ADAMTS16: variants seen among roughly 807,000 people sequenced by gnomAD.
The protein encoded by ADAMTS16 is ADAM metallopeptidase with thrombospondin type 1 motif 16.
In ADAMTS16, 94 loss-of-function variants were observed where a neutral mutation model predicts 145.8. The ratio of observed to expected loss-of-function variants is 0.64; its 90% confidence interval spans 0.55 to 0.77. The LOEUF is 0.77. ADAMTS16 is among the 30% of genes least tolerant of loss of function. The pLI, the probability that ADAMTS16 is intolerant of heterozygous loss-of-function variation, is 0.00. For missense variants in ADAMTS16, 1,585 were observed against 1,591.5 expected, an observed-to-expected ratio of 1.00 and a Z score of 0.07; for synonymous variants, 659 against 604.3, an observed-to-expected ratio of 1.09 and a Z score of -1.33.
intron 9 of ADAMTS16, among the ~76,000 whole-genome samples, chr5:5,200,728 C>T (rs1241406649): frequency 2.0e-5 from 3 of 150,650 alleles, no homozygotes; most frequent in African/African-American, 7.3e-5. Context: ...TCCTTTCTCT[C>T]TCACTTTCTT....
chr5:5,191,805 A>T lies in ADAMTS16; in HGVS notation c.1313+15A>T, dbSNP rs769671225. 2.6e-6 allele frequency: 4 copies of T among 1,565,188 alleles called. No individual in the cohort carries two copies. The highest frequency in any genetic ancestry group is 3.5e-6 in the Non-Finnish European group (4 of 1,146,056). The stretch of plus-strand genomic sequence containing the variant: ...TCTGGACACAAGTAAGTGCATCTCC[A>T]TGGGAGGATGGCATCCCGAGTTTTT... On this transcript the variant is annotated intron_variant, in intron 8 of 22. Transcript: ENST00000274181.
intron 3 of ADAMTS16, among the ~76,000 whole-genome samples, chr5:5,154,241 G>A (rs138072213): frequency 6.6e-6 from 1 of 152,316 alleles, no homozygotes; most frequent in East Asian, 1.9e-4. Context: ...ATAAGCAGAT[G>A]AAAATGTCAG....
At chr5:5,207,494 T>A (rs1736159756) in intron 9 of ADAMTS16, among the ~76,000 whole-genome samples, 1 of 152,216 alleles carries the variant, frequency 6.6e-6, no homozygotes, top group Non-Finnish European at 1.5e-5. Flanking sequence ...AAGATAGTTT[T>A]ATTTATTCTT....
At chr5:5,211,062 T>C (rs1560950647) in intron 10 of ADAMTS16, among the ~76,000 whole-genome samples, 1 of 152,230 alleles carries the variant, frequency 6.6e-6, no homozygotes, top group Non-Finnish European at 1.5e-5. Flanking sequence ...TCATAATTTA[T>C]TTTCAAGAAT....
rs1387364105 is a variant in ADAMTS16 at position 5,318,116 on chromosome 5, T to G, written c.3412-18T>G. 7.1e-7 allele frequency: 1 copy of G among 1,401,196 alleles called. No individual in the cohort carries two copies. The highest frequency in any genetic ancestry group is 1.5e-5 in the African/African-American group (1 of 67,972). The allele number at this position is 1,401,196 out of a possible 1,614,324, so 86.8% of individuals were successfully genotyped here. On this transcript the variant is annotated intron_variant, in intron 21 of 22. Transcript: ENST00000274181. ...GAGAGCCTGGGGCCATGGTGACATG[T>G]GTGTGTTGCTCTCACAGTGCACGGC...
chr5:5,193,018 A>G (rs1038831358), intron 8 of ADAMTS16, among the ~76,000 whole-genome samples: 1 of 152,114 alleles, frequency 6.6e-6, no homozygotes, highest in Admixed American at 6.5e-5. Context: ...TTTTTTTTAA[A>G]TTTCAACCTG....
At chr5:5,208,326 T>C (rs1736184941) in intron 9 of ADAMTS16, among the ~76,000 whole-genome samples, 1 of 152,188 alleles carries the variant, frequency 6.6e-6, no homozygotes, top group Admixed American at 6.5e-5. Context: ...TTTTTTTGGT[T>C]TTCTCAGGGA....
At chr5:5,224,384 G>A (rs919147829) in intron 11 of ADAMTS16, among the ~76,000 whole-genome samples, 4 of 152,134 alleles carry the variant, frequency 2.6e-5, no homozygotes, top group Admixed American at 1.3e-4. Context: ...CCGCCTCCCA[G>A]GTTCAAGCAA....
chr5:5,265,295 C>T (rs1247775966), intron 18 of ADAMTS16, among the ~76,000 whole-genome samples: 2 of 152,324 alleles, frequency 1.3e-5, no homozygotes, highest in Non-Finnish European at 2.9e-5. Context: ...GAAGTGAACT[C>T]ACCTTCGATC....
In ADAMTS16 at chr5:5,310,340, C is replaced by T. The variant is rs1284323739; in HGVS notation, c.3411+3612C>T. 6.6e-6 allele frequency among the ~76,000 whole-genome samples: 1 copy of T among 152,206 alleles called. No homozygotes were observed. The highest frequency in any genetic ancestry group is 6.5e-5 in the Admixed American group (1 of 15,284). On this transcript the variant is annotated intron_variant, in intron 21 of 22. Coordinates refer to ENST00000274181, the MANE Select transcript of ADAMTS16 (RefSeq NM_139056.4). This position sits in a 1 kb window ranked among gnomAD's most constrained non-coding sequence, Gnocchi z 4.3. ...CCACTTCCAGCCCGCCACTGGTCAT[C>T]TCTCCTCTGGAGAGGGACCCCACAC...
At chr5:5,215,796 G>A (rs1736411583) in intron 10 of ADAMTS16, among the ~76,000 whole-genome samples, 1 of 113,900 alleles carries the variant, frequency 8.8e-6, no homozygotes, top group African/African-American at 3.5e-5. Context: ...TATATGTGTG[G>A]TATATATATG....
intron 3 of ADAMTS16, among the ~76,000 whole-genome samples, chr5:5,179,968 A>C (rs894826670): frequency 1.3e-5 from 2 of 152,084 alleles, no homozygotes; most frequent in Non-Finnish European, 2.9e-5. Context: ...ATTTTCCTTG[A>C]GAGTTGTGTT....
chr5:5,303,801 T>C (rs775317060), intron 20 of ADAMTS16, 35 bp downstream of exon 20: 134 of 1,603,510 alleles, frequency 8.4e-5, no homozygotes, highest in Non-Finnish European at 1.1e-4. Context: ...CGAGGTTGAC[T>C]AGCTCTCCCC....
At position 5,310,124 on chromosome 5, in the gene ADAMTS16, G is replaced by A. The variant is rs1231784987; in HGVS notation, c.3411+3396G>A. 6.6e-6 allele frequency among the ~76,000 whole-genome samples: 1 copy of A among 152,074 alleles called. No homozygotes were observed. Among genetic ancestry groups the A allele is most frequent in the Non-Finnish European group, 1.5e-5 (1 of 68,014 alleles). On this transcript the variant is annotated intron_variant, in intron 21 of 22. Coordinates refer to ENST00000274181, the MANE Select transcript of ADAMTS16 (RefSeq NM_139056.4). The surrounding 1 kb of genome is among the most constrained non-coding windows in gnomAD (Gnocchi z 4.3). ...AGCCGGGGTCAAGGTGTGAACAAAG[G>A]AGGCTGAGCTCAGCAGCCAAGCATC... is the stretch of plus-strand genomic sequence containing the variant.
intron 10 of ADAMTS16, among the ~76,000 whole-genome samples, chr5:5,216,624 A>G (rs1302476798): frequency 2.3e-5 from 3 of 132,852 alleles, no homozygotes; most frequent in Non-Finnish European, 4.8e-5. Context: ...TTTTTATTAT[A>G]CTTTAAGTTT....
intron 5 of ADAMTS16, among the ~76,000 whole-genome samples, chr5:5,186,906 A>T (rs1735518160): frequency 6.6e-6 from 1 of 152,212 alleles, no homozygotes. Flanking sequence ...ATGTCTTTGC[A>T]TTCTTCTGCC....
chr5:5,217,538 A>T (rs1026619503), intron 10 of ADAMTS16, among the ~76,000 whole-genome samples: 3 of 152,176 alleles, frequency 2.0e-5, no homozygotes, highest in African/African-American at 7.2e-5. Context: ...TGTAGTACAG[A>T]CAATTTGAGG....
intron 18 of ADAMTS16, among the ~76,000 whole-genome samples, chr5:5,290,637 C>T (rs939751645): frequency 7.9e-5 from 12 of 151,974 alleles, no homozygotes; most frequent in Non-Finnish European, 1.6e-4. Flanking sequence ...GCAACGAGAG[C>T]GAAACTCCAT....
intron 3 of ADAMTS16, among the ~76,000 whole-genome samples, chr5:5,171,244 A>C (rs1416123584): frequency 1.3e-5 from 2 of 152,066 alleles, no homozygotes; most frequent in Non-Finnish European, 1.5e-5. Flanking sequence ...CTTTCTTTCT[A>C]ATTTGAATGC....
Sources: gnomAD v4.1 joint callset for allele counts (sites outside exome capture counted in the v4.1 genomes callset) on GRCh38, gnomAD v4.1.1 for gene constraint, Gnocchi (gnomAD v3.1) non-coding constraint, MANE v1.5 for transcripts, NCBI Gene and HGNC (gene_info 2026-07-23, HGNC 2026-07-21) for gene names.